The following CADPS variants were observed in gnomAD, a reference collection of about 807,000 sequenced individuals.
CADPS encodes the protein calcium dependent secretion activator.
CADPS carries 57 observed loss-of-function variants against 167.3 expected under a neutral mutation model. That is an observed-to-expected ratio of 0.34 (90% CI 0.28 to 0.42). The LOEUF (loss-of-function observed/expected upper bound fraction) is 0.42. Ranked by LOEUF, CADPS falls within the 20% of genes least tolerant of loss-of-function variation. The pLI, the probability that CADPS is intolerant of heterozygous loss-of-function variation, is 1.00. For missense variants in CADPS, 1,414 were observed against 1,738.1 expected, an observed-to-expected ratio of 0.81 and a Z score of 3.32; for synonymous variants, 676 against 635.3, an observed-to-expected ratio of 1.06 and a Z score of -0.96.
chr3:62,402,496 C>G (rs999962040), intron 29 of CADPS, among the ~76,000 whole-genome samples: 3 of 152,148 alleles, frequency 2.0e-5, no homozygotes, highest in Admixed American at 2.0e-4. Flanking sequence ...AAATAATTAT[C>G]ATTAGTCCAA....
At chr3:62,743,391 G>A (rs2080734923) in intron 3 of CADPS, among the ~76,000 whole-genome samples, 1 of 152,160 alleles carries the variant, frequency 6.6e-6, no homozygotes, top group Non-Finnish European at 1.5e-5. Flanking sequence ...GAATTAAGCA[G>A]TTGTTACAAA....
intron 3 of CADPS, among the ~76,000 whole-genome samples, chr3:62,681,488 C>T (rs1178795228): frequency 6.6e-6 from 1 of 151,982 alleles, no homozygotes; most frequent in African/African-American, 2.4e-5. Flanking sequence ...AATGGATCTT[C>T]CTTCTATTGC....
At chr3:62,819,600 T>C (rs901758129) in intron 1 of CADPS, among the ~76,000 whole-genome samples, 30 of 152,110 alleles carry the variant, frequency 2.0e-4, no homozygotes, top group African/African-American at 7.0e-4. Context: ...ACCTGGGGCA[T>C]TGGGCCATGG....
At chr3:62,648,518 C>CA (rs1480436796) in intron 5 of CADPS, among the ~76,000 whole-genome samples, 1 of 151,412 alleles carries the variant, frequency 6.6e-6, no homozygotes, top group Non-Finnish European at 1.5e-5. Context: ...CCCATCTCTA[C>CA]AAAAAATACA....
rs2083384391 is a variant in CADPS, at chr3:62,874,877, G to GCCGCCC, written c.147_152dup (p.Gly51_Gly52dup). Reference sequence around the variant, plus strand: ...CCACCCCGGCTCCGGCGCCGGCGCCGCCGCCCCCCAGCCCGGCGCTGCCGG... The same window carrying GCCGCCC: ...CCACCCCGGCTCCGGCGCCGGCGCCGCCGCCCCCGCCCCCCAGCCCGGCGCTGCCGG... On this transcript the variant is annotated inframe_insertion, in exon 1 of 30. Coordinates refer to ENST00000383710, the MANE Select transcript of CADPS (RefSeq NM_003716.4). This position sits in a 1 kb window ranked among gnomAD's most constrained non-coding sequence, Gnocchi z 7.1. 8.6e-7 allele frequency: 1 copy of GCCGCCC among 1,169,478 alleles called. No homozygotes were observed. Among genetic ancestry groups the GCCGCCC allele is most frequent in the African/African-American group, 1.6e-5 (1 of 61,036 alleles). 72.4% of individuals were successfully genotyped at this position (1,169,478 alleles called of 1,614,324 possible). A position where few individuals can be genotyped will look rare whatever the true frequency, so the allele number is the denominator to read the frequency against.
chr3:62,626,846 C>T (rs953550355), intron 6 of CADPS, among the ~76,000 whole-genome samples: 3 of 151,988 alleles, frequency 2.0e-5, no homozygotes, highest in Non-Finnish European at 2.9e-5. Context: ...CAATGATATG[C>T]TGATATGTTG....
At chr3:62,673,818 T>C (rs1212149649) in intron 3 of CADPS, among the ~76,000 whole-genome samples, 1 of 152,128 alleles carries the variant, frequency 6.6e-6, no homozygotes, top group Non-Finnish European at 1.5e-5. Flanking sequence ...ACATAAACAT[T>C]ATGGGAAATG....
chr3:62,808,089 G>A (rs1255744097), intron 1 of CADPS, among the ~76,000 whole-genome samples: 1 of 151,276 alleles, frequency 6.6e-6, no homozygotes, highest in Admixed American at 6.6e-5. Flanking sequence ...TGGCCAGACT[G>A]GTCTTGAACT....
chr3:62,818,619 A>G (rs1031346160), intron 1 of CADPS, among the ~76,000 whole-genome samples: 2 of 152,220 alleles, frequency 1.3e-5, no homozygotes, highest in Non-Finnish European at 2.9e-5. Flanking sequence ...TTTACTTTGC[A>G]TAACGGTTTG....
chr3:62,743,717 C>A (rs896221885), intron 3 of CADPS, among the ~76,000 whole-genome samples: 3 of 152,082 alleles, frequency 2.0e-5, no homozygotes, highest in Admixed American at 6.6e-5. Flanking sequence ...TGGATTGCTA[C>A]AATAGAACGT....
At chr3:62,694,111 C>T (rs953454780) in intron 3 of CADPS, among the ~76,000 whole-genome samples, 2 of 152,188 alleles carry the variant, frequency 1.3e-5, no homozygotes, top group South Asian at 2.1e-4. Flanking sequence ...TGGGCTTAAC[C>T]CAGACTTCCT....
Position 62,874,679 on chromosome 3 carries a change from C to G in CADPS, c.351G>C (p.Lys117Asn), listed in dbSNP as rs140977565. The change falls in exon 1 of 30, where the codon AAG becomes AAC. Residue 117 changes from lysine to asparagine, a missense_variant. Lys to Asn is a moderately conservative substitution (Grantham distance 94, BLOSUM62 0). This residue lies in a region of CADPS where 522 missense variants were observed against 559.5 expected (regional missense o/e 0.93). Coordinates refer to ENST00000383710, the MANE Select transcript of CADPS (RefSeq NM_003716.4). The surrounding 1 kb of genome is among the most constrained non-coding windows in gnomAD (Gnocchi z 7.1). ...TCACGAACACATACAGCTGCAGCCT[C>G]TTCTTCCTCTCCTCCTCCTCTTTCT... The part of the protein sequence containing the change: ...RLQKEEEERK[K>N]RLQLYVFVMR... 1.3e-6 allele frequency: 2 copies of G among 1,555,336 alleles called. No individual in the cohort carries two copies. The highest frequency in any genetic ancestry group is 2.4e-5 in the East Asian group (1 of 41,242).
At chr3:62,868,941 A>C (rs2082167433) in intron 1 of CADPS, among the ~76,000 whole-genome samples, 1 of 152,108 alleles carries the variant, frequency 6.6e-6, no homozygotes, top group Non-Finnish European at 1.5e-5. Context: ...CTTGCCTACA[A>C]TCAGTTGTTC....
intron 3 of CADPS, among the ~76,000 whole-genome samples, chr3:62,715,548 C>T (rs1240245364): frequency 6.6e-6 from 1 of 150,970 alleles, no homozygotes; most frequent in Non-Finnish European, 1.5e-5. Flanking sequence ...AACATATGCA[C>T]ATTAAATATC....
intron 28 of CADPS, among the ~76,000 whole-genome samples, chr3:62,434,327 G>A (rs528300112): frequency 6.6e-6 from 1 of 152,212 alleles, no homozygotes; most frequent in East Asian, 1.9e-4. Context: ...ATGGGAAACA[G>A]TTTGCCGATT....
At chr3:62,523,712 C>G (rs150787217) in intron 13 of CADPS, among the ~76,000 whole-genome samples, 5 of 152,286 alleles carry the variant, frequency 3.3e-5, no homozygotes, top group Non-Finnish European at 5.9e-5. Flanking sequence ...GAAACAGTGT[C>G]TGGTCCACTG....
chr3:62,618,827 T>A (rs955642321), intron 6 of CADPS, among the ~76,000 whole-genome samples: 2 of 152,238 alleles, frequency 1.3e-5, no homozygotes, highest in Non-Finnish European at 2.9e-5. Context: ...CCTTTATGTA[T>A]GTATTCATTT....
intron 8 of CADPS, among the ~76,000 whole-genome samples, chr3:62,572,202 C>T (rs1449832708): frequency 6.6e-6 from 1 of 152,154 alleles, no homozygotes; most frequent in Non-Finnish European, 1.5e-5. Context: ...GGCTGGCAGC[C>T]AAAATCTATT....
At chr3:62,528,498 T>A (rs951377417) in intron 13 of CADPS, among the ~76,000 whole-genome samples, 3 of 152,206 alleles carry the variant, frequency 2.0e-5, no homozygotes, top group Non-Finnish European at 2.9e-5. Context: ...ATTATTTAAA[T>A]TGCACCTTCG....
Sources: gnomAD v4.1 joint callset for allele counts (sites outside exome capture counted in the v4.1 genomes callset) on GRCh38, gnomAD v4.1.1 for gene constraint, gnomAD v4.1.1 regional missense constraint, Gnocchi (gnomAD v3.1) non-coding constraint, MANE v1.5 for transcripts, NCBI Gene and HGNC (gene_info 2026-07-23, HGNC 2026-07-21) for gene names.